EYS: variants seen among roughly 807,000 people sequenced by gnomAD.
The protein encoded by EYS is EGF-like photoreceptor maintenance factor, also known as protein eyes shut homolog.
Under a neutral mutation model 282.1 loss-of-function variants are expected in EYS, and 250 were observed. The ratio of observed to expected loss-of-function variants is 0.89; its 90% CI spans 0.80 to 0.98. The LOEUF (loss-of-function observed/expected upper bound fraction) is 0.98, where lower values mean the gene tolerates loss of function less well. Ranked by LOEUF, EYS falls within the 50% of genes least tolerant of loss-of-function variation. The probability of loss-of-function intolerance (pLI) is 0.00; values close to 1 mark genes in which losing one functional copy is unlikely to be tolerated. For synonymous variants in EYS, 1,355 were observed against 1,282.9 expected, an observed-to-expected ratio of 1.06 and a Z score of -1.20; for missense variants, 4,016 against 3,709.0, an observed-to-expected ratio of 1.08 and a Z score of -2.15.
At chr6:65,702,409 G>A (rs929205295) in intron 1 of EYS, among the ~76,000 whole-genome samples, 12 of 152,190 alleles carry the variant, frequency 7.9e-5, no homozygotes, top group African/African-American at 2.2e-4. Context: ...CATATAAGGT[G>A]GCCAGGTGCG....
intron 31 of EYS, among the ~76,000 whole-genome samples, chr6:64,148,976 G>T (rs988217568): frequency 5.9e-5 from 9 of 152,072 alleles, no homozygotes; most frequent in Admixed American, 2.0e-4. Context: ...CTCGATATTA[G>T]AATTCATAAA....
chr6:65,170,989 C>T (rs925757912), intron 12 of EYS, among the ~76,000 whole-genome samples: 6 of 151,336 alleles, frequency 4.0e-5, no homozygotes, highest in Admixed American at 1.3e-4. Flanking sequence ...CTTATGAAAC[C>T]GTCAACTACT....
At chr6:64,249,063 C>CAAAAAAAAAA (rs34663169) in intron 30 of EYS, among the ~76,000 whole-genome samples, 9 of 70,052 alleles carry the variant, frequency 1.3e-4, no homozygotes, top group African/African-American at 5.6e-4. Context: ...CACCCTGTCT[C>CAAAAAAAAAA]AAAAAAAAAA....
intron 2 of EYS, among the ~76,000 whole-genome samples, chr6:65,608,931 T>C (rs554271923): frequency 6.6e-6 from 1 of 152,160 alleles, no homozygotes; most frequent in South Asian, 2.1e-4. Context: ...TTATCTCCTA[T>C]GATAATAATG....
At chr6:63,761,932 T>C (rs1291487675) in intron 41 of EYS, among the ~76,000 whole-genome samples, 3 of 152,072 alleles carry the variant, frequency 2.0e-5, no homozygotes, top group Non-Finnish European at 4.4e-5. Context: ...ACAGCCCAGC[T>C]TGGGAGCACC....
chr6:64,037,022 C>G (rs1344959595), intron 33 of EYS, among the ~76,000 whole-genome samples: 1 of 152,066 alleles, frequency 6.6e-6, no homozygotes, highest in Non-Finnish European at 1.5e-5. Context: ...TGTGGAGCCT[C>G]AGATGGCCAT....
chr6:65,017,828 C>A (rs1027764326), intron 13 of EYS, among the ~76,000 whole-genome samples: 1 of 151,988 alleles, frequency 6.6e-6, no homozygotes, highest in Non-Finnish European at 1.5e-5. Context: ...ATGTTATTAC[C>A]TTTTAGATAA....
chr6:64,647,457 T>A (rs1768394719), intron 22 of EYS, among the ~76,000 whole-genome samples: 1 of 152,208 alleles, frequency 6.6e-6, no homozygotes, highest in African/African-American at 2.4e-5. Flanking sequence ...AATTGTTCAT[T>A]ATGTTCATGA....
intron 36 of EYS, among the ~76,000 whole-genome samples, chr6:63,838,318 T>C (rs760750195): frequency 7.9e-5 from 12 of 152,086 alleles, no homozygotes; most frequent in Non-Finnish European, 1.6e-4. Context: ...AAATAGACGT[T>C]AGTATAAAGA....
intron 14 of EYS, among the ~76,000 whole-genome samples, chr6:64,991,326 G>A (rs79390029): frequency 0.016 from 2,407 of 151,604 alleles, 64 homozygotes; most frequent in African/African-American, 0.055. Flanking sequence ...ACTTTATTTT[G>A]TGTTACCTAG....
intron 12 of EYS, among the ~76,000 whole-genome samples, chr6:65,120,179 TA>T (rs1161824709): frequency 1.4e-5 from 2 of 140,198 alleles, no homozygotes; most frequent in Non-Finnish European, 1.6e-5. Flanking sequence ...AAAACAAATT[TA>T]AAAAAAACCC....
chr6:65,199,707 T>G (rs933277311), intron 12 of EYS, among the ~76,000 whole-genome samples: 1 of 152,196 alleles, frequency 6.6e-6, no homozygotes, highest in African/African-American at 2.4e-5. Flanking sequence ...CTTGGAGAGA[T>G]AGTAGGATTT....
chr6:64,154,414 T>A (rs944736742), intron 31 of EYS, among the ~76,000 whole-genome samples: 4 of 121,954 alleles, frequency 3.3e-5, no homozygotes, highest in Admixed American at 1.1e-4. Context: ...TACTCCAGTC[T>A]GGGCAATAAG....
At chr6:65,337,059 A>T (rs1022968893) in intron 10 of EYS, among the ~76,000 whole-genome samples, 2 of 151,464 alleles carry the variant, frequency 1.3e-5, no homozygotes, top group African/African-American at 4.8e-5. Context: ...AGCAACAAAG[A>T]TTAGGAATTT....
At chr6:65,189,471 G>T (rs1369955874) in intron 12 of EYS, among the ~76,000 whole-genome samples, 1 of 151,742 alleles carries the variant, frequency 6.6e-6, no homozygotes, top group Non-Finnish European at 1.5e-5. Context: ...ATGCTGCTGA[G>T]TGCTTTTTTG....
At chr6:63,910,022 C>G (rs746656683) in intron 35 of EYS, among the ~76,000 whole-genome samples, 1 of 151,942 alleles carries the variant, frequency 6.6e-6, no homozygotes. Context: ...AAGGATGGAA[C>G]CCCAAGGAAT....
intron 12 of EYS, among the ~76,000 whole-genome samples, chr6:65,224,494 C>G (rs983935559): frequency 6.6e-6 from 1 of 151,714 alleles, no homozygotes; most frequent in Non-Finnish European, 1.5e-5. Context: ...AATGTTACAC[C>G]TTAAGGAATC....
chr6:65,616,623 T>C (rs1397267351), intron 2 of EYS, among the ~76,000 whole-genome samples: 1 of 151,940 alleles, frequency 6.6e-6, no homozygotes, highest in Non-Finnish European at 1.5e-5. Flanking sequence ...CCGTGTCTAC[T>C]AAAAATACAA....
intron 35 of EYS, among the ~76,000 whole-genome samples, chr6:63,955,732 A>C (rs987770338): frequency 3.3e-5 from 5 of 152,212 alleles, no homozygotes; most frequent in African/African-American, 9.6e-5. Context: ...AAAAAAACTC[A>C]AGGATACAGC....
Sources: allele counts gnomAD v4.1 joint callset (sites outside exome capture counted in the v4.1 genomes callset), GRCh38; gene constraint gnomAD v4.1.1; transcripts MANE v1.5; gene names NCBI Gene and HGNC (gene_info 2026-07-23, HGNC 2026-07-21).